The following GLRX3 variants were observed in gnomAD, a reference collection of about 807,000 sequenced individuals.
GLRX3 encodes glutaredoxin 3.
Under a neutral mutation model 49.5 loss-of-function variants are expected in GLRX3, and 22 were observed. The ratio of observed to expected loss-of-function variants is 0.44; its 90% confidence interval spans 0.32 to 0.63. The LOEUF (loss-of-function observed/expected upper bound fraction) is 0.63. Among genes scored for constraint, GLRX3 ranks in the 30% least tolerant of loss-of-function variants. The probability of loss-of-function intolerance (pLI) is 0.05; values close to 1 mark genes in which losing one functional copy is unlikely to be tolerated. For synonymous variants in GLRX3, 133 were observed against 140.0 expected (o/e 0.95, Z 0.35); for missense variants, 385 against 396.3 (o/e 0.97, Z 0.24).
At chr10:130,149,020 T>C (rs1862321320) in intron 2 of GLRX3, among the ~76,000 whole-genome samples, 1 of 152,138 alleles carries the variant, frequency 6.6e-6, no homozygotes, top group Admixed American at 6.5e-5. Context: ...ATTGTGCCAC[T>C]ATACTCCAGC....
At position 130,138,847 on chromosome 10, in the gene GLRX3, G is replaced by GTTTTT. The variant is rs61152449; in HGVS notation, c.92+2352_92+2356dup. Among the ~76,000 whole-genome samples the GTTTTT allele has an allele frequency of 3.4e-3, 321 of 95,004 alleles. 1 individual carries two copies. The highest frequency in any genetic ancestry group is 0.011 in the African/African-American group (248 of 23,546). 62.3% of individuals were successfully genotyped at this position (95,004 alleles called of 152,430 possible). Reference sequence around the variant, plus strand: ...TTAAACTATCAAAATGAATAAAAGTGTTTTTTTTTTTTTTTTTTTTTGGGG... The same window carrying GTTTTT: ...TTAAACTATCAAAATGAATAAAAGTGTTTTTTTTTTTTTTTTTTTTTTTTTTGGGG... On this transcript the variant is annotated intron_variant, in intron 1 of 10. Coordinates refer to ENST00000331244, the MANE Select transcript of GLRX3 (RefSeq NM_006541.5).
intron 1 of GLRX3, among the ~76,000 whole-genome samples, chr10:130,143,934 A>C (rs557862650): frequency 6.6e-6 from 1 of 152,114 alleles, no homozygotes; most frequent in South Asian, 2.1e-4. Flanking sequence ...GCCGACCTCA[A>C]GTGATCTGCC....
At chr10:130,171,753 C>G in intron 8 of GLRX3, 117 bp downstream of exon 8, 3 of 708,880 alleles carry the variant, frequency 4.2e-6, no homozygotes, top group Non-Finnish European at 7.5e-6. Context: ...ATTGCTTGAG[C>G]CCAGGTGTTC....
intron 10 of GLRX3, among the ~76,000 whole-genome samples, chr10:130,177,660 C>T (rs918133917): frequency 6.6e-6 from 1 of 152,166 alleles, no homozygotes; most frequent in Admixed American, 6.5e-5. Flanking sequence ...GCGTGGTCCT[C>T]TCCGTGCCTT....
chr10:130,142,845 G>T (rs16910119), intron 1 of GLRX3, among the ~76,000 whole-genome samples: 13,159 of 152,004 alleles, frequency 0.087, 913 homozygotes, highest in African/African-American at 0.19. Context: ...CCCCTTCTCT[G>T]CTTTACTACA....
Position 130,142,413 on chromosome 10 carries a change from C to T in GLRX3, c.93-2798C>T, listed in dbSNP as rs148868139. On this transcript the variant is annotated intron_variant, in intron 1 of 10. Transcript: ENST00000331244. ...ACTCAGAGGAGACTGCCTTCTTCTT[C>T]TTCAAGGTAAGCTCTTCTCTGCTCT... Among the ~76,000 whole-genome samples, 43 of 152,284 alleles carry T rather than the reference C, an allele frequency of 2.8e-4. No homozygotes were observed. The East Asian group carries it at 8.3e-3, about 29-fold the overall frequency.
At chr10:130,148,642 A>G (rs1004510437) in intron 2 of GLRX3, among the ~76,000 whole-genome samples, 3 of 152,090 alleles carry the variant, frequency 2.0e-5, no homozygotes, top group Non-Finnish European at 4.4e-5. Context: ...TAGAGTTAGA[A>G]GAGTTAGTCA....
At chr10:130,155,484 T>C (rs1862455466) in intron 2 of GLRX3, among the ~76,000 whole-genome samples, 1 of 152,112 alleles carries the variant, frequency 6.6e-6, no homozygotes, top group Non-Finnish European at 1.5e-5. Context: ...AGTGGGATTA[T>C]ATTTTGGAAG....
chr10:130,158,115 C>T (rs946749172), intron 2 of GLRX3, among the ~76,000 whole-genome samples: 2 of 152,138 alleles, frequency 1.3e-5, no homozygotes, highest in African/African-American at 2.4e-5. Context: ...TGTGGTAGTT[C>T]TCAGCCTTCA....
rs74528547 is a variant in GLRX3, at chr10:130,179,567, A to G, written c.*175A>G. The G allele has an allele frequency of 1.8e-6, 1 of 571,074 alleles. No homozygotes were observed. Among genetic ancestry groups the G allele is most frequent in the African/African-American group, 2.0e-5 (1 of 50,298 alleles). 35.4% of individuals were successfully genotyped at this position (571,074 alleles called of 1,614,324 possible). On this transcript the variant is annotated 3_prime_UTR_variant, in exon 11 of 11. Transcript: ENST00000331244. ...TAAATGTATGTTACATTTTTTTCCCACCAAAAATAGAATGCAATAAACATC... is the reference window on the plus strand; with the variant it reads ...TAAATGTATGTTACATTTTTTTCCCGCCAAAAATAGAATGCAATAAACATC...
chr10:130,175,328 C>G (rs1725293386), intron 10 of GLRX3, among the ~76,000 whole-genome samples: 1 of 152,202 alleles, frequency 6.6e-6, no homozygotes, highest in African/African-American at 2.4e-5. Context: ...CATCTCCTTT[C>G]TGTGGGGTGA....
Position 130,179,590 on chromosome 10 carries a change from ATCT to A in GLRX3, c.*201_*203del. The A allele has an allele frequency of 1.9e-6, 1 of 530,192 alleles. No individual in the cohort carries two copies. The highest frequency in any genetic ancestry group is 3.4e-6 in the Non-Finnish European group (1 of 297,766). 32.8% of individuals were successfully genotyped at this position (530,192 alleles called of 1,614,324 possible). On this transcript the variant is annotated 3_prime_UTR_variant, in exon 11 of 11. Transcript: ENST00000331244. ...CCACCAAAAATAGAATGCAATAAACATCTTCAAATTATTAACAATAATTGTATG... is the reference window on the plus strand; with the variant it reads ...CCACCAAAAATAGAATGCAATAAACATCAAATTATTAACAATAATTGTATG...
At chr10:130,160,742 A>G (rs1192897164) in intron 3 of GLRX3, 54 bp from the exon 4 acceptor site, 6 of 1,013,788 alleles carry the variant, frequency 5.9e-6, no homozygotes, top group African/African-American at 3.2e-5. Flanking sequence ...CTGCTATAAC[A>G]ATGTCATTAT....
At chr10:130,157,489 CGCCG>C (rs1862494679) in intron 2 of GLRX3, among the ~76,000 whole-genome samples, 4 of 4,622 alleles carry the variant, frequency 8.7e-4, no homozygotes, top group Admixed American at 2.2e-3. Context: ...GGATGGTGGC[CGCCG>C]CCCCCCCCCC....
chr10:130,156,467 T>C (rs1323650100), intron 2 of GLRX3, among the ~76,000 whole-genome samples: 1 of 152,240 alleles, frequency 6.6e-6, no homozygotes, highest in Non-Finnish European at 1.5e-5. Flanking sequence ...GGCCAAGTTA[T>C]GGAACCTCTT....
chr10:130,173,351 T>C (rs1862851354), intron 8 of GLRX3, among the ~76,000 whole-genome samples: 1 of 152,196 alleles, frequency 6.6e-6, no homozygotes, highest in South Asian at 2.1e-4. Flanking sequence ...CTCCCAGCTC[T>C]GGACTTGCTA....
In GLRX3 at chr10:130,169,476, A is replaced by G. The variant is rs760105974; in HGVS notation, c.757A>G (p.Lys253Glu). Residue 253 changes from lysine to glutamate, a missense_variant, in exon 7 of 11, where the codon AAA (lysine) becomes GAA (glutamate). Coordinates refer to ENST00000331244, the MANE Select transcript of GLRX3 (RefSeq NM_006541.5). ...TAAAGCTTCTGTGATGCTCTTTATG[A>G]AAGGAAACAAACAGGTAAAGAACTC... is the stretch of plus-strand genomic sequence containing the variant. ...TNKASVMLFM[K>E]GNKQEAKCGF... is the part of the protein sequence containing the mutation. The G allele has an allele frequency of 6.2e-6, 10 of 1,608,176 alleles. No homozygotes were observed. Among genetic ancestry groups the G allele is most frequent in the Non-Finnish European group, 7.7e-6 (9 of 1,174,500 alleles).
At chr10:130,145,429 G>C (rs1420964379) in intron 2 of GLRX3, 110 bp downstream of exon 2, 1 of 565,632 alleles carries the variant, frequency 1.8e-6, no homozygotes, top group African/African-American at 1.8e-5. Flanking sequence ...TTGGGAGGCT[G>C]AGGCGGGCAG....
At chr10:130,148,851 A>AC (rs1862317673) in intron 2 of GLRX3, among the ~76,000 whole-genome samples, 1 of 151,842 alleles carries the variant, frequency 6.6e-6, no homozygotes, top group African/African-American at 2.4e-5. Context: ...TTGTTCAAGG[A>AC]CAGGAGTTCG....
Sources: allele counts gnomAD v4.1 joint callset (sites outside exome capture counted in the v4.1 genomes callset), GRCh38; gene constraint gnomAD v4.1.1; transcripts MANE v1.5; gene names NCBI Gene and HGNC (gene_info 2026-07-23, HGNC 2026-07-21).